Variants in BRINP1 observed in about 807,000 individuals in gnomAD.
The protein encoded by BRINP1 is BMP/retinoic acid-inducible neural-specific protein 1.
In BRINP1, 17 loss-of-function variants were observed where a neutral mutation model predicts 72.9. The ratio of observed to expected loss-of-function variants is 0.23; its 90% CI spans 0.16 to 0.35. BRINP1 has a LOEUF of 0.35. Among genes scored for constraint, BRINP1 ranks in the 10% least tolerant of loss-of-function variants. The pLI, the probability that BRINP1 is intolerant of heterozygous loss-of-function variation, is 1.00. For synonymous variants in BRINP1, 418 were observed against 378.5 expected (o/e 1.10, Z -1.21); for missense variants, 850 against 1,001.6 (o/e 0.85, Z 2.04).
chr9:119,327,228 G>T (rs1831249758), intron 1 of BRINP1, among the ~76,000 whole-genome samples: 1 of 152,126 alleles, frequency 6.6e-6, no homozygotes, highest in South Asian at 2.1e-4. Context: ...ATGGTGATTG[G>T]CTGTACTTAT....
chr9:119,209,116 A>G (rs1829891403), intron 6 of BRINP1, among the ~76,000 whole-genome samples, 175 bp from the exon 7 acceptor site: 1 of 152,174 alleles, frequency 6.6e-6, no homozygotes, highest in Non-Finnish European at 1.5e-5. Context: ...AAAGGGCAAA[A>G]GCTACTATGC....
At chr9:119,236,366 A>C (rs1830191578) in intron 5 of BRINP1, among the ~76,000 whole-genome samples, 1 of 152,178 alleles carries the variant, frequency 6.6e-6, no homozygotes, top group Non-Finnish European at 1.5e-5. Context: ...CTTATACACT[A>C]GCTGTTTTAT....
chr9:119,268,579 A>G (rs1830577754), intron 2 of BRINP1, among the ~76,000 whole-genome samples: 1 of 152,116 alleles, frequency 6.6e-6, no homozygotes, highest in Non-Finnish European at 1.5e-5. Flanking sequence ...GCTAAACTAG[A>G]CATCTTCCTA....
chr9:119,168,248 G>T, intron 7 of BRINP1, 24 bp from the exon 8 acceptor site: 1 of 1,480,762 alleles, frequency 6.8e-7, no homozygotes, highest in Non-Finnish European at 8.9e-7. Flanking sequence ...GAAAATTGGA[G>T]AAGGTTAGCT....
At chr9:119,309,119 T>C (rs1024368930) in intron 2 of BRINP1, among the ~76,000 whole-genome samples, 1 of 152,198 alleles carries the variant, frequency 6.6e-6, no homozygotes, top group Admixed American at 6.5e-5. Flanking sequence ...GGAACCACCA[T>C]TCCGACATGC....
At chr9:119,263,063 G>T (rs993803816) in intron 2 of BRINP1, among the ~76,000 whole-genome samples, 1 of 152,094 alleles carries the variant, frequency 6.6e-6, no homozygotes, top group Admixed American at 6.5e-5. Context: ...AGCGATGAAC[G>T]CAGACCCCTG....
intron 3 of BRINP1, 140 bp from the exon 4 acceptor site, chr9:119,242,356 G>C: frequency 1.4e-6 from 1 of 704,612 alleles, no homozygotes; most frequent in Non-Finnish European, 2.3e-6. Context: ...AAAATCAAAG[G>C]CACAATGAAA....
At chr9:119,342,592 G>A (rs972289756) in intron 1 of BRINP1, among the ~76,000 whole-genome samples, 1 of 152,130 alleles carries the variant, frequency 6.6e-6, no homozygotes, top group African/African-American at 2.4e-5. Context: ...CACAAAATGG[G>A]AGCCTTCAAG....
chr9:119,230,706 G>A (rs750930554), intron 5 of BRINP1, among the ~76,000 whole-genome samples: 4 of 151,816 alleles, frequency 2.6e-5, no homozygotes, highest in Non-Finnish European at 5.9e-5. Context: ...GAAGAAGATG[G>A]GAAGAAGAAG....
At chr9:119,292,476 ATAG>A (rs1830830399) in intron 2 of BRINP1, among the ~76,000 whole-genome samples, 1 of 152,226 alleles carries the variant, frequency 6.6e-6, no homozygotes, top group Non-Finnish European at 1.5e-5. Flanking sequence ...TTTATATTAA[ATAG>A]TAGAGTGGTT....
At chr9:119,336,467 G>A (rs570680543) in intron 1 of BRINP1, among the ~76,000 whole-genome samples, 5 of 152,210 alleles carry the variant, frequency 3.3e-5, no homozygotes, top group South Asian at 4.2e-4. Context: ...ACGCTGTAAT[G>A]TGTGTGAAGG....
chr9:119,228,325 A>T (rs2118893215), intron 5 of BRINP1, among the ~76,000 whole-genome samples: 1 of 152,200 alleles, frequency 6.6e-6, no homozygotes, highest in South Asian at 2.1e-4. Context: ...CATAGGAATT[A>T]TATTATATAT....
At chr9:119,246,806 T>A (rs1830324710) in intron 3 of BRINP1, among the ~76,000 whole-genome samples, 1 of 152,206 alleles carries the variant, frequency 6.6e-6, no homozygotes, top group African/African-American at 2.4e-5. Context: ...CTTTGCATCA[T>A]TTATGGCACA....
At chr9:119,191,270 G>A (rs1397615228) in intron 7 of BRINP1, among the ~76,000 whole-genome samples, 1 of 151,726 alleles carries the variant, frequency 6.6e-6, no homozygotes, top group Non-Finnish European at 1.5e-5. Context: ...TACAGTACTG[G>A]AAGTACTAGC....
chr9:119,242,261 A>C, intron 3 of BRINP1, 45 bp from the exon 4 acceptor site: 1 of 1,538,514 alleles, frequency 6.5e-7, no homozygotes, highest in Non-Finnish European at 8.9e-7. Context: ...TGGAGCTTTC[A>C]TGTGAGAGGA....
At chr9:119,279,810 T>C (rs1393469716) in intron 2 of BRINP1, among the ~76,000 whole-genome samples, 2 of 152,204 alleles carry the variant, frequency 1.3e-5, no homozygotes, top group East Asian at 3.8e-4. Flanking sequence ...CAATTTATTA[T>C]TTAACAATTT....
intron 1 of BRINP1, among the ~76,000 whole-genome samples, chr9:119,335,702 T>C (rs1356498877): frequency 1.3e-5 from 2 of 152,154 alleles, no homozygotes; most frequent in Non-Finnish European, 2.9e-5. Context: ...CAGTGATTTG[T>C]TCAACAGGTA....
chr9:119,166,930 G>C lies in BRINP1; in HGVS notation c.*154C>G. On this transcript the variant is annotated 3_prime_UTR_variant, in exon 8 of 8. Coordinates refer to ENST00000265922, the MANE Select transcript of BRINP1 (RefSeq NM_014618.3). Reference sequence around the variant, plus strand: ...AACGCTTTTATACAGTTGCTAGAACGTTTTCATTTCCAACAAATGAAGATT... The same window carrying C: ...AACGCTTTTATACAGTTGCTAGAACCTTTTCATTTCCAACAAATGAAGATT... 1.2e-6 allele frequency: 1 copy of C among 813,918 alleles called. No individual in the cohort carries two copies. Among genetic ancestry groups the C allele is most frequent in the Non-Finnish European group, 1.9e-6 (1 of 519,130 alleles). 50.4% of individuals were successfully genotyped at this position (813,918 alleles called of 1,614,324 possible).
At position 119,167,682 on chromosome 9, in the gene BRINP1, TAGACAA is replaced by T; in HGVS notation, c.1682_1687del (p.Phe561_Val562del). 1 of 1,614,104 alleles carries T rather than the reference TAGACAA, an allele frequency of 6.2e-7. No individual in the cohort carries two copies. The highest frequency in any genetic ancestry group is 8.5e-7 in the Non-Finnish European group (1 of 1,180,026). On this transcript the variant is annotated inframe_deletion, in exon 8 of 8. Coordinates refer to ENST00000265922, the MANE Select transcript of BRINP1 (RefSeq NM_014618.3). This position sits in a 1 kb window ranked among gnomAD's most constrained non-coding sequence, Gnocchi z 4.3. The stretch of plus-strand genomic sequence containing the variant: ...ATGGCTCCCGCTAAAGGGGTTGACA[TAGACAA>T]AGAACATGGGGTCCAGGCTGCTGTT...
Sources: gnomAD v4.1 joint callset for allele counts (sites outside exome capture counted in the v4.1 genomes callset) on GRCh38, gnomAD v4.1.1 for gene constraint, Gnocchi (gnomAD v3.1) non-coding constraint, MANE v1.5 for transcripts, NCBI Gene and HGNC (gene_info 2026-07-23, HGNC 2026-07-21) for gene names.